GPR35: variants seen among roughly 807,000 people sequenced by gnomAD.
GPR35 encodes the protein G protein-coupled receptor 35, also known as KYNA receptor.
For synonymous variants in GPR35, 207 were observed against 198.4 expected, an observed-to-expected ratio of 1.04 and a Z score of -0.36; for missense variants, 372 against 422.5, an observed-to-expected ratio of 0.88 and a Z score of 1.05.
upstream of GPR35, among the ~76,000 whole-genome samples, chr2:240,623,592 G>A (rs182353258): frequency 2.1e-3 from 314 of 152,188 alleles, 2 homozygotes; most frequent in East Asian, 5.8e-3. Flanking sequence ...GGAGGGGCCC[G>A]GGCAAGGCCT....
chr2:240,622,155 G>C (rs113477868), upstream of GPR35, among the ~76,000 whole-genome samples: 25,303 of 152,084 alleles, frequency 0.17, 3,367 homozygotes, highest in African/African-American at 0.38. Context: ...GCTGGGATTA[G>C]AGGCCTGAGC....
intron 1 of GPR35, chr2:240,627,657 T>TTTTTTTTG (rs2043393827): frequency 8.5e-6 from 1 of 117,362 alleles, no homozygotes. Context: ...TTTTTTTTTG[T>TTTTTTTTG]AGAGACGGGG....
upstream of GPR35, among the ~76,000 whole-genome samples, chr2:240,623,348 C>CAAACAGGTCGTGAGGGT (rs2043323476): frequency 5.3e-5 from 5 of 94,198 alleles, 1 homozygote; most frequent in South Asian, 1.2e-3. Context: ...GTCGTGAGGG[C>CAAACAGGTCGTGAGGGT]GCAAACAGGT....
intron 4 of GPR35, among the ~76,000 whole-genome samples, chr2:240,617,940 C>G (rs1433939380): frequency 6.6e-6 from 1 of 152,230 alleles, no homozygotes; most frequent in Non-Finnish European, 1.5e-5. Context: ...ACAGCATACA[C>G]TTCTCTCCAA....
At chr2:240,610,796 G>A (rs1401424564) in intron 2 of GPR35, among the ~76,000 whole-genome samples, 8 of 150,756 alleles carry the variant, frequency 5.3e-5, no homozygotes, top group African/African-American at 9.8e-5. Flanking sequence ...CACCACGCCC[G>A]GCTAATTTTT....
At chr2:240,622,958 C>T (rs1480458852), upstream of GPR35, among the ~76,000 whole-genome samples, 1 of 152,228 alleles carries the variant, frequency 6.6e-6, no homozygotes. Flanking sequence ...GAGAACAGGC[C>T]TGGCCTGGAC....
At chr2:240,618,144 C>T (rs1012125954) in intron 4 of GPR35, among the ~76,000 whole-genome samples, 1 of 152,042 alleles carries the variant, frequency 6.6e-6, no homozygotes, top group Admixed American at 6.6e-5. Flanking sequence ...ATAGTTTTTA[C>T]TTAATCTTAT....
chr2:240,617,911 A>G (rs1008726905), intron 4 of GPR35, among the ~76,000 whole-genome samples: 1 of 152,204 alleles, frequency 6.6e-6, no homozygotes, highest in African/African-American at 2.4e-5. Flanking sequence ...TACATTAGAC[A>G]TTTCCTAACC....
chr2:240,615,548 C>T (rs577217122), intron 2 of GPR35, among the ~76,000 whole-genome samples: 3 of 152,288 alleles, frequency 2.0e-5, no homozygotes, highest in Non-Finnish European at 4.4e-5. Flanking sequence ...GCCCATCACC[C>T]CACCTTTGGC....
Position 240,630,057 on chromosome 2 carries a change from G to A in GPR35, c.105G>A (p.Leu35=). 1.9e-6 allele frequency: 3 copies of A among 1,612,350 alleles called. No individual in the cohort carries two copies. Among genetic ancestry groups the A allele is most frequent in the Middle Eastern group, 3.3e-4 (2 of 6,060 alleles). ...AYLGVLLVLG[L]LLNSLALWVF... is the part of the protein sequence containing the mutation. ...TGGGCGTCCTGCTGGTGCTAGGCCT[G>A]CTGCTCAACAGCCTGGCGCTCTGGG... is the stretch of plus-strand genomic sequence containing the variant. Residue 35 remains leucine (L), a synonymous_variant, in exon 2 of 2, where the codon CTG becomes CTA. Coordinates refer to ENST00000407714, the MANE Select transcript of GPR35 (RefSeq NM_005301.5).
At chr2:240,623,365 G>GGT (rs1416524993), upstream of GPR35, among the ~76,000 whole-genome samples, 5 of 133,964 alleles carry the variant, frequency 3.7e-5, no homozygotes, top group South Asian at 5.0e-4. Context: ...AGGTCGTGAG[G>GGT]GCGCAAACAG....
chr2:240,623,308 G>GGT (rs1448727838), upstream of GPR35, among the ~76,000 whole-genome samples: 1,939 of 109,536 alleles, frequency 0.018, 222 homozygotes, highest in East Asian at 0.039. Context: ...AGGTCATGAG[G>GGT]GCGCAAACAG....
At chr2:240,623,100 T>C (rs1370442582), upstream of GPR35, among the ~76,000 whole-genome samples, 1 of 152,068 alleles carries the variant, frequency 6.6e-6, no homozygotes, top group Admixed American at 6.5e-5. Flanking sequence ...ACCTGATATG[T>C]CCCCGGCACT....
Position 240,632,850 on chromosome 2 carries a change from T to G in GPR35, c.*1968T>G, listed in dbSNP as rs2043464929. Among the ~76,000 whole-genome samples the G allele has an allele frequency of 6.6e-6, 1 of 152,242 alleles. No homozygotes were observed. The highest frequency in any genetic ancestry group is 6.5e-5 in the Admixed American group (1 of 15,286). On this transcript the variant is annotated 3_prime_UTR_variant, in exon 2 of 2. Coordinates refer to ENST00000407714, the MANE Select transcript of GPR35 (RefSeq NM_005301.5). ...AGGGCTGATATGGTTAGGCTTTGTG[T>G]CTCCACCCAAATCTCATCTTGAATT...
intron 5 of GPR35, among the ~76,000 whole-genome samples, chr2:240,619,295 C>CT (rs1221624787): frequency 6.6e-6 from 1 of 152,134 alleles, no homozygotes; most frequent in African/African-American, 2.4e-5. Flanking sequence ...TTGTGTTTCT[C>CT]TTTTTATGAT....
intron 2 of GPR35, among the ~76,000 whole-genome samples, chr2:240,611,256 C>T (rs1006190125): frequency 6.6e-6 from 1 of 152,166 alleles, no homozygotes; most frequent in Non-Finnish European, 1.5e-5. Context: ...GCATGAGACA[C>T]CGTGCCTGGC....
At chr2:240,610,497 G>A (rs1052618902) in intron 2 of GPR35, among the ~76,000 whole-genome samples, 1 of 152,074 alleles carries the variant, frequency 6.6e-6, no homozygotes, top group African/African-American at 2.4e-5. Context: ...AGAGTCTCCT[G>A]TCACTCAGCC....
chr2:240,630,280 A>G lies in GPR35; in HGVS notation c.328A>G (p.Ile110Val), dbSNP rs376310534. The G allele has an allele frequency of 2.8e-5, 44 of 1,563,456 alleles. No homozygotes were observed. Among genetic ancestry groups the G allele is most frequent in the Non-Finnish European group, 3.5e-5 (41 of 1,159,254 alleles). The change falls in exon 2 of 2, where the codon ATC (isoleucine) becomes GTC (valine). Residue 110 changes from isoleucine (I) to valine (V), a missense_variant. Ile to Val is a conservative substitution (Grantham distance 29). Transcript: ENST00000407714. ...CATGAGCATCAGCCTGGTCACGGCC[A>G]TCGCCGTGGACCGCTATGTGGCCGT... is the stretch of plus-strand genomic sequence containing the variant. ...RYMSISLVTA[I>V]AVDRYVAVRH... is the part of the protein sequence containing the mutation.
rs760379738 is a variant in GPR35 at position 240,630,916 on chromosome 2, G to C, written c.*34G>C. The stretch of plus-strand genomic sequence containing the variant: ...CTGTGGGCGCTGTGGGCCAGGTCTC[G>C]GGGGCTCCGGGAGGTGCTGCCTGCC... On this transcript the variant is annotated 3_prime_UTR_variant, in exon 2 of 2. Transcript: ENST00000407714. 2 of 1,560,488 alleles carry C rather than the reference G, an allele frequency of 1.3e-6. No homozygotes were observed. Among genetic ancestry groups the C allele is most frequent in the Non-Finnish European group, 1.8e-6 (2 of 1,142,460 alleles).
Sources: allele counts gnomAD v4.1 joint callset (sites outside exome capture counted in the v4.1 genomes callset), GRCh38; gene constraint gnomAD v4.1.1; transcripts MANE v1.5; gene names NCBI Gene and HGNC (gene_info 2026-07-23, HGNC 2026-07-21).